LRRC9: variants seen among roughly 807,000 people sequenced by gnomAD.
LRRC9 encodes leucine-rich repeat-containing protein 9.
LRRC9 carries 122 observed loss-of-function variants against 63.2 expected under a neutral mutation model. That is an observed-to-expected ratio of 1.93 (90% CI 1.67 to 2.24). LRRC9 has a LOEUF of 2.24. Ranked by LOEUF, LRRC9 falls within the 30% of genes most tolerant of loss-of-function variation. The pLI is 0.00. For synonymous variants in LRRC9, 366 were observed against 213.1 expected (o/e 1.72, Z -6.25); for missense variants, 1,071 against 627.7 (o/e 1.71, Z -7.55).
At chr14:59,985,372 T>C in intron 17 of LRRC9, 148 bp downstream of exon 17, 1 of 465,622 alleles carries the variant, frequency 2.1e-6, no homozygotes, top group Non-Finnish European at 3.8e-6. Context: ...AAGTTCTAGG[T>C]ATCTGATGCA....
intron 15 of LRRC9, 24 bp downstream of exon 15, chr14:59,978,156 A>T (rs1417518168): frequency 1.4e-6 from 1 of 699,318 alleles, no homozygotes; most frequent in African/African-American, 1.7e-5. Flanking sequence ...CATATTCTTA[A>T]AGACTAATTC....
rs185232576 is a variant in LRRC9 at position 60,017,605 on chromosome 14, C to T, written c.3318-766C>T. The stretch of plus-strand genomic sequence containing the variant: ...TTGGGGGCTGAAACATTTCTTTCAT[C>T]TTTCTTGTAGCCTTTCCAAACACAT... On this transcript the variant is annotated intron_variant, in intron 24 of 31. Transcript: ENST00000445360. The surrounding 1 kb of genome is among the most constrained non-coding windows in gnomAD (Gnocchi z 4.0). Among the ~76,000 whole-genome samples, 28 of 152,154 alleles carry T rather than the reference C, an allele frequency of 1.8e-4. No homozygotes were observed. The highest frequency in any genetic ancestry group is 2.0e-4 in the Admixed American group (3 of 15,254).
At chr14:59,980,127 C>T (rs1043817006) in intron 15 of LRRC9, among the ~76,000 whole-genome samples, 3 of 152,042 alleles carry the variant, frequency 2.0e-5, no homozygotes, top group Non-Finnish European at 4.4e-5. Flanking sequence ...TATTTTCTTA[C>T]AATACTTATA....
At chr14:59,955,002 C>G (rs1032472544) in intron 8 of LRRC9, among the ~76,000 whole-genome samples, 6 of 152,118 alleles carry the variant, frequency 3.9e-5, no homozygotes, top group African/African-American at 1.4e-4. Context: ...CTGACTTGAT[C>G]GTGGTGGATA....
chr14:59,971,920 T>C (rs968087754), intron 12 of LRRC9, among the ~76,000 whole-genome samples: 1 of 152,134 alleles, frequency 6.6e-6, no homozygotes, highest in African/African-American at 2.4e-5. Flanking sequence ...TTAATCTTTC[T>C]TAAAACATTA....
chr14:59,939,603 T>C (rs1333353108), intron 7 of LRRC9, among the ~76,000 whole-genome samples: 1 of 151,988 alleles, frequency 6.6e-6, no homozygotes, highest in Non-Finnish European at 1.5e-5. Context: ...AGTCAGATTC[T>C]GGTAGCAGTT....
chr14:59,929,798 A>C (rs1384470576), intron 3 of LRRC9, among the ~76,000 whole-genome samples: 1 of 152,128 alleles, frequency 6.6e-6, no homozygotes, highest in East Asian at 1.9e-4. Context: ...GCTGGAGGCC[A>C]TTGTCCTTAG....
At chr14:59,965,902 A>G in intron 10 of LRRC9, among the ~76,000 whole-genome samples, 1 of 146,156 alleles carries the variant, frequency 6.8e-6, no homozygotes, top group South Asian at 2.2e-4. Flanking sequence ...AAAAAAAAAA[A>G]AAAAAAAAAA....
intron 26 of LRRC9, among the ~76,000 whole-genome samples, chr14:60,020,213 G>A (rs534703269): frequency 7.2e-5 from 11 of 151,954 alleles, no homozygotes; most frequent in Admixed American, 2.6e-4. Context: ...GTAGTAAGTA[G>A]TTTTTGTGCC....
intron 17 of LRRC9, among the ~76,000 whole-genome samples, chr14:59,988,347 T>C (rs1390260972): frequency 6.6e-6 from 1 of 152,264 alleles, no homozygotes; most frequent in East Asian, 1.9e-4. Context: ...TATGTGTGCA[T>C]GTGTGTTGCA....
At chr14:60,021,190 T>A (rs1274933852) in intron 26 of LRRC9, among the ~76,000 whole-genome samples, 1 of 151,940 alleles carries the variant, frequency 6.6e-6, no homozygotes, top group African/African-American at 2.4e-5. Flanking sequence ...GCCATTCTAA[T>A]ACATTTGAAG....
intron 6 of LRRC9, among the ~76,000 whole-genome samples, chr14:59,933,830 A>T (rs1889906803): frequency 6.6e-6 from 1 of 152,158 alleles, no homozygotes; most frequent in African/African-American, 2.4e-5. Flanking sequence ...GAAGTGAGAA[A>T]TCAAGGGGTA....
rs769497206 is a variant in LRRC9 at position 60,063,374 on chromosome 14, GA to G, written c.4331del (p.Asn1444MetfsTer29). On this transcript the variant is annotated frameshift_variant, in exon 32 of 32. Coordinates refer to ENST00000445360, the Ensembl canonical transcript of LRRC9. LOFTEE classifies it high-confidence loss of function. Reference sequence around the variant, plus strand: ...CAAATCGAATGTAACTGCCTAAAGAGAAATGAGCATACACCAAGAAACTCAC... The same window carrying G: ...CAAATCGAATGTAACTGCCTAAAGAGAATGAGCATACACCAAGAAACTCAC... 233 of 697,856 alleles carry G rather than the reference GA, an allele frequency of 3.3e-4. No homozygotes were observed. The highest frequency in any genetic ancestry group is 1.4e-3 in the Middle Eastern group (6 of 4,332). 43.2% of individuals were successfully genotyped at this position (697,856 alleles called of 1,614,324 possible).
intron 19 of LRRC9, 39 bp from the exon 20 acceptor site, chr14:60,001,927 C>G (rs1594993836): frequency 1.6e-6 from 1 of 613,564 alleles, no homozygotes; most frequent in African/African-American, 1.9e-5. Context: ...CCTCTGTATA[C>G]TGTTTCCTTT....
chr14:59,989,096 G>C (rs1315529196), intron 17 of LRRC9, among the ~76,000 whole-genome samples: 1 of 151,778 alleles, frequency 6.6e-6, no homozygotes, highest in Non-Finnish European at 1.5e-5. Context: ...TTTCTTTAAA[G>C]TCTAATAAGT....
chr14:60,026,711 G>A (rs1057449409), intron 27 of LRRC9, among the ~76,000 whole-genome samples: 5 of 151,992 alleles, frequency 3.3e-5, no homozygotes, highest in African/African-American at 1.2e-4. Context: ...CATTTCTTCT[G>A]CATATGGATA....
intron 12 of LRRC9, among the ~76,000 whole-genome samples, chr14:59,972,382 G>A (rs1463839858): frequency 1.3e-5 from 2 of 152,086 alleles, no homozygotes; most frequent in African/African-American, 4.8e-5. Flanking sequence ...TTACATTCAT[G>A]TGTCAATCTT....
rs1050587639 is a variant in LRRC9, at chr14:59,986,805, T to C, written c.2211+1581T>C. Among the ~76,000 whole-genome samples the C allele has an allele frequency of 5.9e-5, 9 of 152,284 alleles. No individual in the cohort carries two copies. Among genetic ancestry groups the C allele is most frequent in the African/African-American group, 2.2e-4 (9 of 41,562 alleles). ...TTATCATAGCCTCACAGTCTACTTG[T>C]TAAATGACTATAACCTTAGTCATTT... On this transcript the variant is annotated intron_variant, in intron 17 of 31. Transcript: ENST00000445360. This position sits in a 1 kb window ranked among gnomAD's most constrained non-coding sequence, Gnocchi z 4.7.
At position 60,027,567 on chromosome 14, in the gene LRRC9, C is replaced by T. The variant is rs219403; in HGVS notation, c.3704-317C>T. On this transcript the variant is annotated intron_variant, in intron 27 of 31. Transcript: ENST00000445360. This position sits in a 1 kb window ranked among gnomAD's most constrained non-coding sequence, Gnocchi z 4.0. ...CAGGAAGCGTATCTTCTGCAGCAGT[C>T]TTCTATATCTACTTTTGTCAATACC... Among the ~76,000 whole-genome samples the T allele has an allele frequency of 0.85, 129,058 of 151,980 alleles. 55,250 individuals carry two copies. Among genetic ancestry groups the T allele is most frequent in the Non-Finnish European group, 0.9 (61,078 of 67,920 alleles).
Sources: gnomAD v4.1 joint callset for allele counts (sites outside exome capture counted in the v4.1 genomes callset) on GRCh38, gnomAD v4.1.1 for gene constraint, Gnocchi (gnomAD v3.1) non-coding constraint, MANE v1.5 for transcripts, NCBI Gene and HGNC (gene_info 2026-07-23, HGNC 2026-07-21) for gene names.